DSCAM: variants seen among roughly 807,000 people sequenced by gnomAD.
The protein encoded by DSCAM is cell adhesion molecule DSCAM.
Under a neutral mutation model 217.7 loss-of-function variants are expected in DSCAM, and 47 were observed. That is an observed-to-expected ratio of 0.22 (90% CI 0.17 to 0.28). The LOEUF (loss-of-function observed/expected upper bound fraction) is 0.28. Ranked by LOEUF, DSCAM falls within the 10% of genes least tolerant of loss-of-function variation. The pLI is 1.00. For synonymous variants in DSCAM, 1,056 were observed against 1,015.3 expected (o/e 1.04, Z -0.76); for missense variants, 2,080 against 2,618.3 (o/e 0.79, Z 4.49).
At chr21:40,500,655 A>G (rs1249329756) in intron 3 of DSCAM, among the ~76,000 whole-genome samples, 1 of 152,206 alleles carries the variant, frequency 6.6e-6, no homozygotes. Context: ...GCAATTTACA[A>G]AGCCAGTGCA....
chr21:40,365,464 ACTTT>A (rs1971035949), intron 4 of DSCAM, among the ~76,000 whole-genome samples: 2 of 152,120 alleles, frequency 1.3e-5, no homozygotes, highest in Admixed American at 6.5e-5. Flanking sequence ...AATTAGACTG[ACTTT>A]CTTTCTCCTC....
At chr21:40,736,319 A>G (rs2091062912) in intron 1 of DSCAM, among the ~76,000 whole-genome samples, 1 of 152,054 alleles carries the variant, frequency 6.6e-6, no homozygotes, top group South Asian at 2.1e-4. Context: ...TTGATTGATG[A>G]CATCATTGGC....
At chr21:40,019,629 G>A (rs1207629603) in intron 32 of DSCAM, among the ~76,000 whole-genome samples, 1 of 152,144 alleles carries the variant, frequency 6.6e-6, no homozygotes, top group Non-Finnish European at 1.5e-5. Flanking sequence ...AAGTAGCAGG[G>A]ATCCAGAAGA....
chr21:40,113,561 G>T (rs1176905495), intron 20 of DSCAM, among the ~76,000 whole-genome samples: 1 of 152,182 alleles, frequency 6.6e-6, no homozygotes, highest in Non-Finnish European at 1.5e-5. Context: ...GTTCTGGCCA[G>T]GGCATTCAGG....
At chr21:40,399,444 C>G (rs2075213676) in intron 3 of DSCAM, among the ~76,000 whole-genome samples, 1 of 152,182 alleles carries the variant, frequency 6.6e-6, no homozygotes, top group South Asian at 2.1e-4. Flanking sequence ...TTTAGGAAAT[C>G]CACCTACTTA....
intron 3 of DSCAM, among the ~76,000 whole-genome samples, chr21:40,601,588 C>T (rs960443909): frequency 2.0e-5 from 3 of 152,220 alleles, no homozygotes; most frequent in East Asian, 1.9e-4. Context: ...TTACTTGTTC[C>T]AATCTTAGAG....
intron 3 of DSCAM, among the ~76,000 whole-genome samples, chr21:40,515,694 G>C (rs543038004): frequency 2.1e-3 from 324 of 152,256 alleles, no homozygotes; most frequent in Non-Finnish European, 3.3e-3. Flanking sequence ...TGAGGGCAAA[G>C]ATTCAACTTT....
At chr21:40,812,807 T>C (rs2123551388) in intron 1 of DSCAM, among the ~76,000 whole-genome samples, 1 of 152,304 alleles carries the variant, frequency 6.6e-6, no homozygotes, top group Non-Finnish European at 1.5e-5. Context: ...ACAACCCAGT[T>C]GATACAGAGA....
chr21:40,076,176 C>A (rs1264606926), intron 26 of DSCAM, among the ~76,000 whole-genome samples: 1 of 152,104 alleles, frequency 6.6e-6, no homozygotes, highest in African/African-American at 2.4e-5. Context: ...CCTCTGTGAT[C>A]TCTGCTAAAG....
intron 3 of DSCAM, among the ~76,000 whole-genome samples, chr21:40,494,824 GT>G (rs35078874): frequency 0.1 from 14,430 of 142,094 alleles, 755 homozygotes; most frequent in Middle Eastern, 0.15. Context: ...CTAAAGTTGG[GT>G]TTTTTTTTTT....
intron 3 of DSCAM, among the ~76,000 whole-genome samples, chr21:40,446,591 C>CA (rs1256242714): frequency 1.3e-5 from 2 of 152,038 alleles, no homozygotes; most frequent in South Asian, 2.1e-4. Context: ...TTAAAACCAG[C>CA]AAAAAAGCAA....
intron 8 of DSCAM, among the ~76,000 whole-genome samples, chr21:40,331,667 A>T (rs1386036501): frequency 6.6e-6 from 1 of 151,946 alleles, no homozygotes; most frequent in Non-Finnish European, 1.5e-5. Flanking sequence ...TTGAAGGAGG[A>T]CATGGTAAAA....
chr21:40,731,730 C>T (rs1046913560), intron 1 of DSCAM, among the ~76,000 whole-genome samples: 3 of 89,846 alleles, frequency 3.3e-5, no homozygotes, highest in Non-Finnish European at 6.3e-5. Context: ...CCCACTGCAC[C>T]CCCCCCCCCG....
intron 1 of DSCAM, among the ~76,000 whole-genome samples, chr21:40,773,087 A>C (rs1277052476): frequency 1.3e-5 from 2 of 152,218 alleles, no homozygotes; most frequent in African/African-American, 4.8e-5. Context: ...GCCAGTCCCC[A>C]GCTGAAACCA....
At chr21:40,766,594 A>C (rs2091392155) in intron 1 of DSCAM, among the ~76,000 whole-genome samples, 1 of 134,830 alleles carries the variant, frequency 7.4e-6, no homozygotes, top group Non-Finnish European at 1.5e-5. Context: ...GGAAAGCCTC[A>C]CCCAACTGAC....
At chr21:40,409,657 G>C (rs746678559) in intron 3 of DSCAM, among the ~76,000 whole-genome samples, 3 of 152,198 alleles carry the variant, frequency 2.0e-5, no homozygotes, top group Non-Finnish European at 2.9e-5. Flanking sequence ...ACAGAGGTGG[G>C]AATAGTTTGT....
chr21:40,336,783 G>T (rs2074433901), intron 8 of DSCAM, among the ~76,000 whole-genome samples: 2 of 152,198 alleles, frequency 1.3e-5, no homozygotes, highest in African/African-American at 4.8e-5. Flanking sequence ...TGACTGAGAA[G>T]AGAGTCAATG....
intron 32 of DSCAM, among the ~76,000 whole-genome samples, chr21:40,036,154 A>G (rs1302423299): frequency 7.0e-6 from 1 of 142,258 alleles, no homozygotes; most frequent in East Asian, 2.0e-4. Flanking sequence ...AAGGCAAGAA[A>G]TAACTAAAAT....
chr21:40,053,276 G>A (rs546055670), intron 29 of DSCAM, among the ~76,000 whole-genome samples: 5 of 152,368 alleles, frequency 3.3e-5, no homozygotes, highest in South Asian at 4.1e-4. Flanking sequence ...CCCAGCGCAT[G>A]GTGCGGTGAG....
Sources: allele counts gnomAD v4.1 joint callset (sites outside exome capture counted in the v4.1 genomes callset), GRCh38; gene constraint gnomAD v4.1.1; transcripts MANE v1.5; gene names NCBI Gene and HGNC (gene_info 2026-07-23, HGNC 2026-07-21).